AOX1: variants seen among roughly 807,000 people sequenced by gnomAD.
The protein encoded by AOX1 is aldehyde oxidase.
Under a neutral mutation model 169.5 loss-of-function variants are expected in AOX1, and 153 were observed. The observed-to-expected ratio is 0.90, with a 90% CI of 0.79 to 1.03. The LOEUF (loss-of-function observed/expected upper bound fraction) is 1.03, where lower values mean the gene tolerates loss of function less well. AOX1 is among the 50% of genes least tolerant of loss of function. The pLI is 0.00. For missense variants in AOX1, 1,656 were observed against 1,663.9 expected (o/e 1.00, Z 0.08); for synonymous variants, 562 against 581.9 (o/e 0.97, Z 0.49).
intron 25 of AOX1, among the ~76,000 whole-genome samples, chr2:200,644,362 G>A (rs1027121454): frequency 6.6e-6 from 1 of 152,044 alleles, no homozygotes; most frequent in African/African-American, 2.4e-5. Context: ...TCAAAGATCA[G>A]TTGGGTGTAA....
At chr2:200,669,454 A>G in intron 33 of AOX1, 121 bp from the exon 34 acceptor site, 1 of 1,205,828 alleles carries the variant, frequency 8.3e-7, no homozygotes. Context: ...CTGTCTCAAA[A>G]AAAAAAAAAT....
chr2:200,617,800 G>C (rs1272188682), intron 16 of AOX1, among the ~76,000 whole-genome samples: 1 of 152,060 alleles, frequency 6.6e-6, no homozygotes, highest in Non-Finnish European at 1.5e-5. Flanking sequence ...ACTCAAATGT[G>C]GTTCAGGTTG....
chr2:200,640,089 G>A (rs2035324701), intron 23 of AOX1, among the ~76,000 whole-genome samples: 2 of 151,868 alleles, frequency 1.3e-5, no homozygotes, highest in African/African-American at 2.4e-5. Flanking sequence ...TGCCAGGTGT[G>A]GGAATAGTAA....
chr2:200,587,149 C>T (rs536862346), intron 1 of AOX1, among the ~76,000 whole-genome samples: 7 of 151,292 alleles, frequency 4.6e-5, no homozygotes, highest in Non-Finnish European at 1.0e-4. Flanking sequence ...AAAAAAAAAC[C>T]GGTGTGGTGG....
intron 20 of AOX1, among the ~76,000 whole-genome samples, chr2:200,629,386 G>C (rs1471869849): frequency 6.6e-6 from 1 of 152,184 alleles, no homozygotes; most frequent in African/African-American, 2.4e-5. Context: ...TGTGAGCAAT[G>C]ATTATTAGAT....
At chr2:200,672,602 A>G (rs1282454960), downstream of AOX1, among the ~76,000 whole-genome samples, 4 of 152,228 alleles carry the variant, frequency 2.6e-5, no homozygotes, top group Non-Finnish European at 5.9e-5. Context: ...ATAGACAGAG[A>G]TCCCTGTCCT....
At position 200,602,264 on chromosome 2, in the gene AOX1, G is replaced by C. The variant is rs1331826475; in HGVS notation, c.437-20G>C. On this transcript the variant is annotated intron_variant, in intron 5 of 34. Transcript: ENST00000374700. ...CTATCTGGGTCACTTGGCTAACAGA[G>C]CTGGGTTTTTCTCCTTCAGGTAACC... 3.1e-6 allele frequency: 5 copies of C among 1,613,020 alleles called. No homozygotes were observed. The Admixed American group carries it at 5.0e-5, about 16-fold the overall frequency.
chr2:200,670,559 G>C (rs111245233), intron 34 of AOX1, 70 bp from the exon 35 acceptor site: 23 of 1,361,974 alleles, frequency 1.7e-5, no homozygotes, highest in African/African-American at 1.1e-4. Context: ...CCTACTTTAT[G>C]TTCTTCTATT....
chr2:200,609,405 C>T lies in AOX1; in HGVS notation c.1144C>T (p.Leu382=). ...TGTGGGTAACTGTACCCTCAACTTGCTATCAAAAGGTAAGTGACAGCCCCT... is the reference window on the plus strand; with the variant it reads ...TGTGGGTAACTGTACCCTCAACTTGTTATCAAAAGGTAAGTGACAGCCCCT... ...LAVGNCTLNL[L]SKEGKRQIPL... The change falls in exon 12 of 35, where the codon CTA becomes TTA. Residue 382 remains leucine, a synonymous_variant. Transcript: ENST00000374700. 1 of 1,613,750 alleles carries T rather than the reference C, an allele frequency of 6.2e-7. No individual in the cohort carries two copies. The highest frequency in any genetic ancestry group is 8.5e-7 in the Non-Finnish European group (1 of 1,179,698).
At chr2:200,613,187 T>C (rs2034682520) in intron 14 of AOX1, among the ~76,000 whole-genome samples, 1 of 152,206 alleles carries the variant, frequency 6.6e-6, no homozygotes. Flanking sequence ...TGACTTCCTA[T>C]ATCTAAAGAT....
rs1231282657 is a variant in AOX1 at position 200,676,614 on chromosome 2, AAAGAAG to A, written c.487-244_487-239del. Among the ~76,000 whole-genome samples the A allele has an allele frequency of 5.5e-4, 82 of 148,558 alleles. 1 individual carries two copies. The highest frequency in any genetic ancestry group is 9.4e-4 in the Admixed American group (14 of 14,876). Reference sequence around the variant, plus strand: ...GACTACATCTCAAAAAAAAAAAAAAAAAGAAGAAGAAGAAGAAGAAGAAGATAGCTT... The same window carrying A: ...GACTACATCTCAAAAAAAAAAAAAAAAAGAAGAAGAAGAAGAAGATAGCTT... On this transcript the variant is annotated intron_variant, in intron 4 of 4. Transcript: ENST00000439380.
chr2:200,613,966 G>T lies in AOX1; in HGVS notation c.1611G>T (p.Met537Ile). 6.2e-7 allele frequency: 1 copy of T among 1,611,548 alleles called. No homozygotes were observed. Among genetic ancestry groups the T allele is most frequent in the Non-Finnish European group, 8.5e-7 (1 of 1,179,718 alleles). ...YLEVSQILKK[M>I]DPVHYPSLAD... The stretch of plus-strand genomic sequence containing the variant: ...AAGTGTCACAGATTTTGAAAAAGAT[G>T]GTAAACAACTGTTTACACATTAACT... The change falls in exon 15 of 35, where the codon ATG (methionine) becomes ATT (isoleucine). Residue 537 changes from methionine (M) to isoleucine (I), a missense_variant and splice_region_variant. By Grantham distance (10) the Met-to-Ile change is conservative (BLOSUM62 1). Transcript: ENST00000374700.
At chr2:200,648,790 T>G (rs2035518332) in intron 25 of AOX1, among the ~76,000 whole-genome samples, 1 of 151,952 alleles carries the variant, frequency 6.6e-6, no homozygotes, top group African/African-American at 2.4e-5. Flanking sequence ...GGGTGTGAGA[T>G]TCCCAGGTCA....
At chr2:200,625,088 T>C (rs1331493469) in intron 19 of AOX1, among the ~76,000 whole-genome samples, 1 of 152,122 alleles carries the variant, frequency 6.6e-6, no homozygotes, top group Non-Finnish European at 1.5e-5. Flanking sequence ...AAAATAAAAA[T>C]AAAATCATGT....
chr2:200,617,222 AGTTTT>A (rs2034778441), intron 16 of AOX1, among the ~76,000 whole-genome samples: 1 of 152,180 alleles, frequency 6.6e-6, no homozygotes, highest in Admixed American at 6.5e-5. Flanking sequence ...CACATAGATG[AGTTTT>A]GTTTTTGTTT....
chr2:200,638,384 C>A (rs1459571698), intron 23 of AOX1, 82 bp downstream of exon 23: 2 of 1,224,538 alleles, frequency 1.6e-6, no homozygotes, highest in African/African-American at 1.5e-5. Context: ...TTTGGCTACT[C>A]TCTAGTGGGG....
intron 18 of AOX1, among the ~76,000 whole-genome samples, chr2:200,621,947 T>C (rs561522023): frequency 6.6e-6 from 1 of 152,326 alleles, no homozygotes; most frequent in African/African-American, 2.4e-5. Context: ...GACAGCATTT[T>C]TGCCATGTTG....
intron 10 of AOX1, among the ~76,000 whole-genome samples, 193 bp from the exon 11 acceptor site, chr2:200,608,791 C>T (rs1401541893): frequency 1.3e-5 from 2 of 152,064 alleles, no homozygotes; most frequent in African/African-American, 2.4e-5. Context: ...CTACCACCAT[C>T]GCCTCACCAC....
At chr2:200,598,237 A>G (rs1003107256) in intron 4 of AOX1, among the ~76,000 whole-genome samples, 2 of 152,078 alleles carry the variant, frequency 1.3e-5, no homozygotes, top group Non-Finnish European at 2.9e-5. Context: ...ATTTTTTTTT[A>G]TAAAGTGGAA....
Sources: gnomAD v4.1 joint callset for allele counts (sites outside exome capture counted in the v4.1 genomes callset) on GRCh38, gnomAD v4.1.1 for gene constraint, MANE v1.5 for transcripts, NCBI Gene and HGNC (gene_info 2026-07-23, HGNC 2026-07-21) for gene names.